The following RSF1 variants were observed in gnomAD, a reference collection of about 807,000 sequenced individuals.
The protein encoded by RSF1 is HBV pX-associated protein 8.
Under a neutral mutation model 145.2 loss-of-function variants are expected in RSF1, and 13 were observed. The ratio of observed to expected loss-of-function variants is 0.09; its 90% confidence interval spans 0.06 to 0.14. The LOEUF is 0.14. Among genes scored for constraint, RSF1 ranks in the 10% least tolerant of loss-of-function variants. The pLI is 1.00. For synonymous variants in RSF1, 577 were observed against 592.6 expected, an observed-to-expected ratio of 0.97 and a Z score of 0.38; for missense variants, 1,517 against 1,718.2, an observed-to-expected ratio of 0.88 and a Z score of 2.07.
intron 1 of RSF1, among the ~76,000 whole-genome samples, chr11:77,774,450 T>C (rs1362841079): frequency 6.6e-6 from 1 of 151,794 alleles, no homozygotes; most frequent in African/African-American, 2.4e-5. Context: ...TGTGCACCTG[T>C]AGTCCCAGCT....
At chr11:77,849,077 C>A in the RSF1 span, among the ~76,000 whole-genome samples, 3 of 151,478 alleles carry the variant, frequency 2.0e-5, no homozygotes, top group African/African-American at 7.3e-5. Context: ...CACTTGGTCC[C>A]CCAGGCTGGA....
At chr11:77,790,386 T>C (rs930192284) in intron 1 of RSF1, among the ~76,000 whole-genome samples, 1 of 151,732 alleles carries the variant, frequency 6.6e-6, no homozygotes, top group Non-Finnish European at 1.5e-5. Flanking sequence ...CCCCACAGGG[T>C]CCCTCCCACA....
intron 2 of RSF1, among the ~76,000 whole-genome samples, chr11:77,753,713 G>C (rs1948087300): frequency 6.6e-6 from 1 of 152,188 alleles, no homozygotes; most frequent in African/African-American, 2.4e-5. Context: ...AGAGGTAAAG[G>C]ATTGCCAGCC....
rs1355478932 is a variant in RSF1 at position 77,665,489 on chromosome 11, CTAAA to C, written c.*1424_*1427del. 2.6e-5 allele frequency: 4 copies of C among 152,310 alleles called. 1 individual carries two copies. The East Asian group carries it at 7.7e-4, about 29-fold the overall frequency. 9.4% of individuals were successfully genotyped at this position (152,310 alleles called of 1,614,324 possible). A position where few individuals can be genotyped will look rare whatever the true frequency, so the allele number is the denominator to read the frequency against. On this transcript the variant is annotated 3_prime_UTR_variant, in exon 16 of 16. Coordinates refer to ENST00000308488, the MANE Select transcript of RSF1 (RefSeq NM_016578.4). ...TGAAATTTTACAGCTATAACAGAAACTAAATAAGACAAAGTTCATATTTTAGTGT... is the reference window on the plus strand; with the variant it reads ...TGAAATTTTACAGCTATAACAGAAACTAAGACAAAGTTCATATTTTAGTGT...
intron 9 of RSF1, among the ~76,000 whole-genome samples, chr11:77,689,910 T>A (rs2135836681): frequency 6.6e-6 from 1 of 152,314 alleles, no homozygotes; most frequent in Non-Finnish European, 1.5e-5. Context: ...ACGCCTGTAA[T>A]CCCAGCTCTT....
At chr11:77,753,720 A>G (rs150538855) in intron 2 of RSF1, among the ~76,000 whole-genome samples, 31 of 152,370 alleles carry the variant, frequency 2.0e-4, no homozygotes, top group African/African-American at 6.5e-4. Flanking sequence ...AAGGATTGCC[A>G]GCCATTATTC....
chr11:77,820,440 G>T, intron 1 of RSF1, 88 bp downstream of exon 1: 1 of 1,364,164 alleles, frequency 7.3e-7, no homozygotes, highest in Non-Finnish European at 9.9e-7. Context: ...GGAGGCCCGA[G>T]CCGCGAAGAA....
rs397963793 is a variant in RSF1 at position 77,737,454 on chromosome 11, C to CA, written c.578+3276dup. The stretch of plus-strand genomic sequence containing the variant: ...TGGGCAACAAAGCGAGATCCTGTCT[C>CA]AAAAAAAAAAAACCAAAAAACAACA... On this transcript the variant is annotated intron_variant, in intron 4 of 15. Transcript: ENST00000308488. Among the ~76,000 whole-genome samples, 601 of 124,122 alleles carry CA rather than the reference C, an allele frequency of 4.8e-3. 4 individuals carry two copies. The highest frequency in any genetic ancestry group is 0.032 in the East Asian group (138 of 4,274). 81.4% of individuals were successfully genotyped at this position (124,122 alleles called of 152,430 possible).
At chr11:77,670,070 G>A (rs904607252) in intron 15 of RSF1, among the ~76,000 whole-genome samples, 5 of 152,216 alleles carry the variant, frequency 3.3e-5, no homozygotes, top group South Asian at 2.1e-4. Context: ...AGGCTATGGT[G>A]AGCTGTGATT....
intron 2 of RSF1, among the ~76,000 whole-genome samples, chr11:77,747,839 A>G (rs1327184318): frequency 6.6e-6 from 1 of 152,158 alleles, no homozygotes. Flanking sequence ...GGGTTCTATG[A>G]CCTCTGTGAG....
the RSF1 span, among the ~76,000 whole-genome samples, chr11:77,832,951 ATGTGTGTGTGTGTGTGTGTG>A: frequency 1.1e-3 from 73 of 68,374 alleles, no homozygotes; most frequent in Admixed American, 1.5e-3. Flanking sequence ...GTATATATAT[ATGTGTGTGTGTGTGTGTGTG>A]TGTGTGTGTG....
At chr11:77,869,735 T>C in the RSF1 span, 227 of 1,613,916 alleles carry the variant, frequency 1.4e-4, no homozygotes, top group African/African-American at 2.7e-3. Context: ...TCTCCTGGTG[T>C]GCAGCCTGCA....
chr11:77,869,556 A>G, the RSF1 span: 1 of 573,160 alleles, frequency 1.7e-6, no homozygotes, highest in South Asian at 2.0e-5. Flanking sequence ...GGTTCAAGGG[A>G]TCCTGCCTCG....
chr11:77,677,047 T>A, intron 12 of RSF1, 48 bp from the exon 13 acceptor site: 1 of 1,409,480 alleles, frequency 7.1e-7, no homozygotes, highest in Non-Finnish European at 9.9e-7. Flanking sequence ...ATGTGTTTAT[T>A]AAAAGCTTCC....
intron 3 of RSF1, among the ~76,000 whole-genome samples, chr11:77,742,170 G>T (rs1165764341): frequency 6.6e-6 from 1 of 152,198 alleles, no homozygotes; most frequent in East Asian, 1.9e-4. Flanking sequence ...CCAGCAGTAG[G>T]ATGCTGAATC....
chr11:77,717,664 G>A (rs1960848288), intron 5 of RSF1: 1 of 152,198 alleles, frequency 6.6e-6, no homozygotes, highest in African/African-American at 2.4e-5. Flanking sequence ...ATTGACTCAT[G>A]TATGGGAGCT....
chr11:77,793,861 A>G (rs1948545950), intron 1 of RSF1, among the ~76,000 whole-genome samples: 1 of 152,074 alleles, frequency 6.6e-6, no homozygotes, highest in South Asian at 2.1e-4. Context: ...TCCTGATAGA[A>G]CCTCCAAACA....
At chr11:77,753,331 T>C (rs924144235) in intron 2 of RSF1, among the ~76,000 whole-genome samples, 3 of 152,236 alleles carry the variant, frequency 2.0e-5, no homozygotes, top group African/African-American at 7.2e-5. Flanking sequence ...AACTCCCATC[T>C]TGCCTTTAAT....
chr11:77,687,925 T>A (rs1478075636), intron 9 of RSF1, among the ~76,000 whole-genome samples: 1 of 152,238 alleles, frequency 6.6e-6, no homozygotes, highest in Non-Finnish European at 1.5e-5. Context: ...ATAAATGGTA[T>A]AAGCATCAAA....
Sources: allele counts gnomAD v4.1 joint callset (sites outside exome capture counted in the v4.1 genomes callset), GRCh38; gene constraint gnomAD v4.1.1; transcripts MANE v1.5; gene names NCBI Gene and HGNC (gene_info 2026-07-23, HGNC 2026-07-21).